The following EFNA2 variants were observed in gnomAD, a reference collection of about 807,000 sequenced individuals.
EFNA2 encodes the protein ephrin A2, also known as ephrin-A2.
EFNA2 carries 18 observed loss-of-function variants against 19.7 expected under a neutral mutation model. That is an observed-to-expected ratio of 0.91 (90% CI 0.63 to 1.35). The LOEUF (loss-of-function observed/expected upper bound fraction) is 1.35. EFNA2 is among the 40% of genes most tolerant of loss of function. EFNA2 has a pLI of 0.00. For synonymous variants in EFNA2, 187 were observed against 137.8 expected, an observed-to-expected ratio of 1.36 and a Z score of -2.50; for missense variants, 303 against 296.0, an observed-to-expected ratio of 1.02 and a Z score of -0.17.
upstream of EFNA2, among the ~76,000 whole-genome samples, chr19:1,284,881 C>T (rs1454451026): frequency 2.0e-5 from 3 of 152,236 alleles, no homozygotes; most frequent in Non-Finnish European, 4.4e-5. The surrounding 1 kb of genome is among the most constrained non-coding windows in gnomAD (Gnocchi z 5.3). Context: ...AAAGTCCAGC[C>T]AGCGTTTGAT....
At position 1,296,523 on chromosome 19, in the gene EFNA2, G is replaced by A. The variant is rs2081516579; in HGVS notation, c.454+665G>A. Reference sequence around the variant, plus strand: ...ACAAAAACATAAAAACAATTAGCCAGGTGTGGTGGCATGGGCCTGTGGTCC... The same window carrying A: ...ACAAAAACATAAAAACAATTAGCCAAGTGTGGTGGCATGGGCCTGTGGTCC... On this transcript the variant is annotated intron_variant, in intron 2 of 3. Coordinates refer to ENST00000215368, the MANE Select transcript of EFNA2 (RefSeq NM_001405.4). This position sits in a 1 kb window ranked among gnomAD's most constrained non-coding sequence, Gnocchi z 4.4. 6.6e-6 allele frequency among the ~76,000 whole-genome samples: 1 copy of A among 152,208 alleles called. No homozygotes were observed. The highest frequency in any genetic ancestry group is 6.5e-5 in the Admixed American group (1 of 15,290).
In EFNA2 at chr19:1,295,331, C is replaced by T. The variant is rs1481774235; in HGVS notation, c.141-214C>T. Among the ~76,000 whole-genome samples the T allele has an allele frequency of 6.6e-6, 1 of 151,784 alleles. No homozygotes were observed. The highest frequency in any genetic ancestry group is 1.5e-5 in the Non-Finnish European group (1 of 67,906). ...CTGTCCCCGGAGCCATCTCTCCCCGCGCACACTGACCCGTGCCCCATGCAC... is the reference window on the plus strand; with the variant it reads ...CTGTCCCCGGAGCCATCTCTCCCCGTGCACACTGACCCGTGCCCCATGCAC... On this transcript the variant is annotated intron_variant, in intron 1 of 3. Transcript: ENST00000215368. This position sits in a 1 kb window ranked among gnomAD's most constrained non-coding sequence, Gnocchi z 5.8.
At position 1,287,923 on chromosome 19, in the gene EFNA2, C is replaced by T. The variant is rs961651157; in HGVS notation, c.140+1615C>T. On this transcript the variant is annotated intron_variant, in intron 1 of 3. Coordinates refer to ENST00000215368, the MANE Select transcript of EFNA2 (RefSeq NM_001405.4). This position sits in a 1 kb window ranked among gnomAD's most constrained non-coding sequence, Gnocchi z 6.2. Reference sequence around the variant, plus strand: ...TGGTCACCAGGGCCGTCCTGCTGCCCCACCTGCCACAGGGCTGTGGGCTGC... The same window carrying T: ...TGGTCACCAGGGCCGTCCTGCTGCCTCACCTGCCACAGGGCTGTGGGCTGC... 1.3e-5 allele frequency among the ~76,000 whole-genome samples: 2 copies of T among 152,240 alleles called. No homozygotes were observed. Among genetic ancestry groups the T allele is most frequent in the Admixed American group, 6.5e-5 (1 of 15,288 alleles).
In EFNA2 at chr19:1,294,878, C is replaced by T. The variant is rs1305593424; in HGVS notation, c.141-667C>T. 2.0e-5 allele frequency among the ~76,000 whole-genome samples: 3 copies of T among 152,098 alleles called. No homozygotes were observed. The highest frequency in any genetic ancestry group is 2.0e-4 in the Admixed American group (3 of 15,274). On this transcript the variant is annotated intron_variant, in intron 1 of 3. Transcript: ENST00000215368. The surrounding 1 kb of genome is among the most constrained non-coding windows in gnomAD (Gnocchi z 5.8). ...AGAATGAAAGCAGGGCTGGGGGCTG[C>T]CTGGAGGAGGCGGCACAGATGTTAA...
At position 1,297,834 on chromosome 19, in the gene EFNA2, G is replaced by C. The variant is rs1171135750; in HGVS notation, c.455-717G>C. On this transcript the variant is annotated intron_variant, in intron 2 of 3. Coordinates refer to ENST00000215368, the MANE Select transcript of EFNA2 (RefSeq NM_001405.4). This position sits in a 1 kb window ranked among gnomAD's most constrained non-coding sequence, Gnocchi z 5.0. ...CGCCTGTAATCCCAGCACTTTGGGA[G>C]GCCGAGGCGGGTGGATCACCTGAGG... 6.6e-6 allele frequency among the ~76,000 whole-genome samples: 1 copy of C among 152,064 alleles called. No homozygotes were observed. Among genetic ancestry groups the C allele is most frequent in the Non-Finnish European group, 1.5e-5 (1 of 68,004 alleles).
rs1001958597 is a variant in EFNA2 at position 1,297,239 on chromosome 19, G to C, written c.455-1312G>C. On this transcript the variant is annotated intron_variant, in intron 2 of 3. Coordinates refer to ENST00000215368, the MANE Select transcript of EFNA2 (RefSeq NM_001405.4). The surrounding 1 kb of genome is among the most constrained non-coding windows in gnomAD (Gnocchi z 5.0). ...AGTGCCTGGACACCCAGCTCCTGCT[G>C]TGTGAAATTAAACTTTACAAGGCCC... 6.6e-6 allele frequency among the ~76,000 whole-genome samples: 1 copy of C among 152,186 alleles called. No individual in the cohort carries two copies. The highest frequency in any genetic ancestry group is 1.9e-4 in the East Asian group (1 of 5,190).
At position 1,300,696 on chromosome 19, in the gene EFNA2, C is replaced by T. The variant is rs1303339434; in HGVS notation, c.*751C>T. 6.6e-6 allele frequency among the ~76,000 whole-genome samples: 1 copy of T among 152,142 alleles called. No individual in the cohort carries two copies. Among genetic ancestry groups the T allele is most frequent in the East Asian group, 1.9e-4 (1 of 5,188 alleles). On this transcript the variant is annotated 3_prime_UTR_variant, in exon 4 of 4. Coordinates refer to ENST00000215368, the MANE Select transcript of EFNA2 (RefSeq NM_001405.4). ...GACCTCATACCCCATCGCCCACCCC[C>T]GTCCTCCTGGTCATTTCCTCCCAGA... is the stretch of plus-strand genomic sequence containing the variant.
intron 3 of EFNA2, among the ~76,000 whole-genome samples, chr19:1,298,901 C>T (rs930811970): frequency 3.3e-5 from 5 of 152,112 alleles, no homozygotes; most frequent in Non-Finnish European, 5.9e-5. Flanking sequence ...GCAGAGATCA[C>T]GCCACTGCAT....
At chr19:1,298,786 A>T (rs868863426) in intron 3 of EFNA2, among the ~76,000 whole-genome samples, 170 bp downstream of exon 3, 2 of 152,280 alleles carry the variant, frequency 1.3e-5, no homozygotes. Flanking sequence ...CAGACCTTCG[A>T]GAGTGAAGGT....
chr19:1,293,911 G>A (rs1182492561), intron 1 of EFNA2, among the ~76,000 whole-genome samples: 1 of 152,242 alleles, frequency 6.6e-6, no homozygotes, highest in Non-Finnish European at 1.5e-5. Context: ...CAGGGTGGCG[G>A]GGGGCCGGGC....
chr19:1,291,786 G>C (rs1298168161), intron 1 of EFNA2, among the ~76,000 whole-genome samples: 1 of 152,170 alleles, frequency 6.6e-6, no homozygotes, highest in African/African-American at 2.4e-5. Flanking sequence ...TGCCCGATTG[G>C]AGCTAATTAG....
At position 1,300,241 on chromosome 19, in the gene EFNA2, A is replaced by AGTTTT. The variant is rs2081535634; in HGVS notation, c.*296_*297insGTTTT. The AGTTTT allele has an allele frequency of 4.7e-5, 2 of 42,646 alleles. No individual in the cohort carries two copies. The highest frequency in any genetic ancestry group is 3.8e-4 in the Admixed American group (1 of 2,656). The allele number at this position is 42,646 out of a possible 1,614,324, so 2.6% of individuals were successfully genotyped here. A position where few individuals can be genotyped will look rare whatever the true frequency, so the allele number is the denominator to read the frequency against. ...CGGAGAACCCGGGAACCTCTTGGCG[A>AGTTTT]TTTTTTTTTTTTTTTTTTTTTTTTT... is the stretch of plus-strand genomic sequence containing the variant. On this transcript the variant is annotated 3_prime_UTR_variant, in exon 4 of 4. Coordinates refer to ENST00000215368, the MANE Select transcript of EFNA2 (RefSeq NM_001405.4).
In EFNA2 at chr19:1,294,307, C is replaced by T. The variant is rs1199612110; in HGVS notation, c.141-1238C>T. On this transcript the variant is annotated intron_variant, in intron 1 of 3. Transcript: ENST00000215368. This position sits in a 1 kb window ranked among gnomAD's most constrained non-coding sequence, Gnocchi z 5.8. ...GAGATCTAAGGGCTCCTGCCGCCAT[C>T]GCCCGAGGCAGTGAGGGAAGGGGAG... 3.9e-5 allele frequency among the ~76,000 whole-genome samples: 6 copies of T among 152,200 alleles called. No homozygotes were observed. Among genetic ancestry groups the T allele is most frequent in the South Asian group, 4.1e-4 (2 of 4,830 alleles).
rs533665052 is a variant in EFNA2, at chr19:1,295,987, G to T, written c.454+129G>T. On this transcript the variant is annotated intron_variant, in intron 2 of 3. Transcript: ENST00000215368. The surrounding 1 kb of genome is among the most constrained non-coding windows in gnomAD (Gnocchi z 5.8). ...GGGGCAGCGCAGTGGGCGGGGCCGC[G>T]GTGTGGGGCCAGGGGGGAGTGGGCG... The T allele has an allele frequency of 4.9e-4, 403 of 826,522 alleles. No individual in the cohort carries two copies. The highest frequency in any genetic ancestry group is 1.0e-3 in the Admixed American group (23 of 22,518). The allele number at this position is 826,522 out of a possible 1,614,324, so 51.2% of individuals were successfully genotyped here. A position where few individuals can be genotyped will look rare whatever the true frequency, so the allele number is the denominator to read the frequency against.
chr19:1,292,492 G>A (rs982770497), intron 1 of EFNA2, among the ~76,000 whole-genome samples: 3 of 152,236 alleles, frequency 2.0e-5, no homozygotes, highest in East Asian at 1.9e-4. Flanking sequence ...ATCAGGATCC[G>A]GGATTCAGAC....
rs1247942291 is a variant in EFNA2, at chr19:1,294,505, G to A, written c.141-1040G>A. Among the ~76,000 whole-genome samples, 2 of 151,664 alleles carry A rather than the reference G, an allele frequency of 1.3e-5. No individual in the cohort carries two copies. Among genetic ancestry groups the A allele is most frequent in the East Asian group, 3.9e-4 (2 of 5,114 alleles). On this transcript the variant is annotated intron_variant, in intron 1 of 3. Transcript: ENST00000215368. The surrounding 1 kb of genome is among the most constrained non-coding windows in gnomAD (Gnocchi z 5.8). ...CAGGCACCCAAGAGGGAGACCAGGA[G>A]GCCGCCGGATTCCGGGGCTCGGGGC...
chr19:1,289,901 GTTT>G (rs2081483389), intron 1 of EFNA2, among the ~76,000 whole-genome samples: 1 of 152,156 alleles, frequency 6.6e-6, no homozygotes, highest in Admixed American at 6.5e-5. Flanking sequence ...CTGCATAAGG[GTTT>G]TTTGTTTTGT....
Position 1,299,817 on chromosome 19 carries a change from C to A in EFNA2, c.521-7C>A. 9 of 1,597,122 alleles carry A rather than the reference C, an allele frequency of 5.6e-6. No individual in the cohort carries two copies. The highest frequency in any genetic ancestry group is 7.7e-6 in the Non-Finnish European group (9 of 1,175,422). On this transcript the variant is annotated splice_polypyrimidine_tract_variant and splice_region_variant and intron_variant, in intron 3 of 3. Transcript: ENST00000215368. Reference sequence around the variant, plus strand: ...GCCGCTGAGCGTGCTGTCTCTGCCACCCGCAGACGAGACCCTGTACGAGGC... The same window carrying A: ...GCCGCTGAGCGTGCTGTCTCTGCCAACCGCAGACGAGACCCTGTACGAGGC...
In EFNA2 at chr19:1,297,195, C is replaced by G. The variant is rs531321811; in HGVS notation, c.454+1337C>G. On this transcript the variant is annotated intron_variant, in intron 2 of 3. Coordinates refer to ENST00000215368, the MANE Select transcript of EFNA2 (RefSeq NM_001405.4). This position sits in a 1 kb window ranked among gnomAD's most constrained non-coding sequence, Gnocchi z 5.0. ...GAGTCAGGGATCTGGGGTCTGTGCC[C>G]CCAGGCTGCAGGGGGGCCAGTGCCT... 6.6e-6 allele frequency among the ~76,000 whole-genome samples: 1 copy of G among 152,186 alleles called. No homozygotes were observed. Among genetic ancestry groups the G allele is most frequent in the East Asian group, 1.9e-4 (1 of 5,154 alleles).
Sources: allele counts gnomAD v4.1 joint callset (sites outside exome capture counted in the v4.1 genomes callset), GRCh38; gene constraint gnomAD v4.1.1; non-coding constraint Gnocchi (gnomAD v3.1); transcripts MANE v1.5; gene names NCBI Gene and HGNC (gene_info 2026-07-23, HGNC 2026-07-21).